RAD54B: variants seen among roughly 807,000 people sequenced by gnomAD.
RAD54B encodes the protein DNA repair and recombination protein RAD54B.
A neutral mutation model predicts 95.8 loss-of-function variants in RAD54B; 78 were observed. That is an observed-to-expected ratio of 0.81 (90% CI 0.68 to 0.98). RAD54B has a LOEUF of 0.98. Ranked by LOEUF, RAD54B falls within the 50% of genes least tolerant of loss-of-function variation. The probability of loss-of-function intolerance (pLI) is 0.00; values close to 1 mark genes in which losing one functional copy is unlikely to be tolerated. For synonymous variants in RAD54B, 328 were observed against 354.9 expected (o/e 0.92, Z 0.85); for missense variants, 957 against 1,056.6 (o/e 0.91, Z 1.31).
intron 3 of RAD54B, among the ~76,000 whole-genome samples, chr8:94,418,335 G>A (rs1166790870): frequency 6.6e-6 from 1 of 152,074 alleles, no homozygotes; most frequent in African/African-American, 2.4e-5. Flanking sequence ...GATTTAGACT[G>A]ACAAATTTTT....
At chr8:94,439,459 G>A (rs188078399) in intron 3 of RAD54B, among the ~76,000 whole-genome samples, 9 of 152,240 alleles carry the variant, frequency 5.9e-5, no homozygotes, top group Non-Finnish European at 1.2e-4. Context: ...CGCTGTTAAC[G>A]AAAAGAGTCA....
At chr8:94,417,707 G>GA (rs1322108825) in intron 3 of RAD54B, among the ~76,000 whole-genome samples, 176 of 145,432 alleles carry the variant, frequency 1.2e-3, no homozygotes, top group African/African-American at 2.7e-3. Flanking sequence ...CATATGTCTG[G>GA]AAAAAAAAAA....
At chr8:94,374,288 A>G (rs574050801) in intron 14 of RAD54B, among the ~76,000 whole-genome samples, 60 of 152,094 alleles carry the variant, frequency 3.9e-4, no homozygotes, top group Non-Finnish European at 6.8e-4. Flanking sequence ...CAAAAAAAAA[A>G]AAGAAAAGAG....
At chr8:94,394,136 G>T (rs1483592577) in intron 8 of RAD54B, among the ~76,000 whole-genome samples, 3 of 152,198 alleles carry the variant, frequency 2.0e-5, no homozygotes, top group African/African-American at 7.2e-5. Flanking sequence ...ACTGAGTGCA[G>T]GCTCAGTGGA....
intron 12 of RAD54B, among the ~76,000 whole-genome samples, chr8:94,379,416 G>A (rs1051327884): frequency 2.0e-5 from 3 of 152,176 alleles, no homozygotes; most frequent in East Asian, 1.9e-4. Flanking sequence ...CACCAATGCC[G>A]ACAGAATTAA....
chr8:94,415,049 G>A (rs1168942087), intron 3 of RAD54B, among the ~76,000 whole-genome samples: 7 of 151,510 alleles, frequency 4.6e-5, no homozygotes, highest in African/African-American at 9.7e-5. Context: ...AAAAGAGCCC[G>A]CATTGCCAAG....
At chr8:94,421,903 G>C (rs1303977509) in intron 3 of RAD54B, among the ~76,000 whole-genome samples, 1 of 152,166 alleles carries the variant, frequency 6.6e-6, no homozygotes, top group Admixed American at 6.5e-5. Flanking sequence ...ATTTATTATA[G>C]TTATCTATTT....
intron 3 of RAD54B, among the ~76,000 whole-genome samples, chr8:94,423,641 T>C (rs1480554038): frequency 6.6e-6 from 1 of 152,302 alleles, no homozygotes; most frequent in African/African-American, 2.4e-5. Flanking sequence ...TAGATAAATT[T>C]GTAGCTGTCA....
At chr8:94,402,979 A>G (rs754415712) in intron 6 of RAD54B, among the ~76,000 whole-genome samples, 7 of 152,196 alleles carry the variant, frequency 4.6e-5, no homozygotes, top group Non-Finnish European at 1.0e-4. Context: ...AAGAAATCAA[A>G]GATGATTCAC....
At chr8:94,414,552 G>A (rs1234430074) in intron 3 of RAD54B, among the ~76,000 whole-genome samples, 1 of 152,078 alleles carries the variant, frequency 6.6e-6, no homozygotes, top group Non-Finnish European at 1.5e-5. Context: ...GTTGAATTTT[G>A]TCAAAGGCCT....
chr8:94,404,305 T>A lies in RAD54B; in HGVS notation c.782-66A>T. ...TTTCAGCAACCAACATTATCTTGTT[T>A]TCATTACCCTAAGATAGAAATGTTT... On this transcript the variant is annotated intron_variant, in intron 5 of 14. Transcript: ENST00000336148. The A allele has an allele frequency of 4.4e-6, 6 of 1,377,224 alleles. No homozygotes were observed. The South Asian group carries it at 9.4e-5, about 21-fold the overall frequency. The allele number at this position is 1,377,224 out of a possible 1,614,324, so 85.3% of individuals were successfully genotyped here.
At chr8:94,425,060 T>TGAAAA (rs1411860077) in intron 3 of RAD54B, among the ~76,000 whole-genome samples, 1 of 36,204 alleles carries the variant, frequency 2.8e-5, no homozygotes, top group East Asian at 1.5e-3. Context: ...AGACCCCATC[T>TGAAAA]CAAAAAAAAA....
intron 3 of RAD54B, among the ~76,000 whole-genome samples, chr8:94,416,049 A>G (rs1295449780): frequency 6.0e-5 from 9 of 149,388 alleles, no homozygotes; most frequent in Non-Finnish European, 8.9e-5. Flanking sequence ...TCATGCTGCT[A>G]TAAAGACACA....
At chr8:94,469,782 T>C (rs984809623) in intron 1 of RAD54B, among the ~76,000 whole-genome samples, 1 of 152,248 alleles carries the variant, frequency 6.6e-6, no homozygotes, top group Non-Finnish European at 1.5e-5. Flanking sequence ...ATATTTTGAA[T>C]GAATGAAATC....
intron 3 of RAD54B, among the ~76,000 whole-genome samples, chr8:94,456,819 G>T (rs1812790623): frequency 6.6e-6 from 1 of 152,132 alleles, no homozygotes; most frequent in Non-Finnish European, 1.5e-5. Flanking sequence ...CCACCATAGA[G>T]AACAAAACAT....
intron 2 of RAD54B, among the ~76,000 whole-genome samples, chr8:94,465,260 T>C (rs1406269095): frequency 1.3e-5 from 2 of 151,982 alleles, no homozygotes; most frequent in Non-Finnish European, 2.9e-5. Context: ...AAATATAGGA[T>C]AAAACAAACA....
intron 2 of RAD54B, among the ~76,000 whole-genome samples, chr8:94,459,330 T>C (rs1812848069): frequency 6.6e-6 from 1 of 151,748 alleles, no homozygotes; most frequent in Non-Finnish European, 1.5e-5. Context: ...TGTTTTTTTT[T>C]CTGTAGAGAT....
At chr8:94,404,786 A>C (rs1271022271) in intron 5 of RAD54B, among the ~76,000 whole-genome samples, 1 of 152,100 alleles carries the variant, frequency 6.6e-6, no homozygotes, top group Non-Finnish European at 1.5e-5. Context: ...GCTTGAAGTT[A>C]ATTACTACAT....
intron 3 of RAD54B, among the ~76,000 whole-genome samples, chr8:94,424,161 C>T (rs969154497): frequency 3.9e-5 from 6 of 152,162 alleles, no homozygotes; most frequent in Admixed American, 2.6e-4. Flanking sequence ...ATAAGATTCT[C>T]GGATATACAC....
Sources: gnomAD v4.1 joint callset for allele counts (sites outside exome capture counted in the v4.1 genomes callset) on GRCh38, gnomAD v4.1.1 for gene constraint, MANE v1.5 for transcripts, NCBI Gene and HGNC (gene_info 2026-07-23, HGNC 2026-07-21) for gene names.